SYTL5: variants seen among roughly 807,000 people sequenced by gnomAD.
SYTL5 encodes synaptotagmin-like protein 5.
In SYTL5, 34 loss-of-function variants were observed where a neutral mutation model predicts 55.9. That is an observed-to-expected ratio of 0.61 (90% confidence interval 0.46 to 0.81). The LOEUF is 0.81. SYTL5 is among the 30% of genes least tolerant of loss of function. SYTL5 has a pLI of 0.00. For missense variants in SYTL5, 637 were observed against 546.7 expected (o/e 1.17, Z -1.65); for synonymous variants, 221 against 188.7 (o/e 1.17, Z -1.40).
intron 1 of SYTL5, among the ~76,000 whole-genome samples, chrX:38,012,700 A>G (rs951711982): frequency 8.9e-6 from 1 of 112,027 alleles, no homozygotes; most frequent in Admixed American, 9.5e-5. Context: ...ATGTACAACA[A>G]TAGTCTTCTC....
At chrX:37,935,999 C>T in the SYTL5 span, among the ~76,000 whole-genome samples, 3 of 111,636 alleles carry the variant, frequency 2.7e-5, no homozygotes, top group Non-Finnish European at 3.8e-5. Context: ...GATTCAAAGT[C>T]ACAAATATGT....
chrX:37,979,006 A>T, the SYTL5 span, among the ~76,000 whole-genome samples: 1 of 111,867 alleles, frequency 8.9e-6, no homozygotes, highest in African/African-American at 3.2e-5. Context: ...ATGAACACAA[A>T]TTGTAAGTGA....
chrX:37,944,158 A>G, the SYTL5 span, among the ~76,000 whole-genome samples: 1 of 111,099 alleles, frequency 9.0e-6, no homozygotes, highest in African/African-American at 3.3e-5. Context: ...TTTCATGTTT[A>G]TTTATGGATT....
chrX:38,018,718 T>C (rs1185851343), intron 1 of SYTL5, among the ~76,000 whole-genome samples: 2 of 111,843 alleles, frequency 1.8e-5, no homozygotes, highest in Admixed American at 9.5e-5. Context: ...GGTATTCTTA[T>C]GCACACTAAA....
chrX:38,070,577 T>C (rs181726059), intron 3 of SYTL5, among the ~76,000 whole-genome samples: 25 of 111,716 alleles, frequency 2.2e-4, no homozygotes, highest in African/African-American at 8.1e-4. Context: ...ATCTGAACTT[T>C]AGAAAAACTG....
the SYTL5 span, among the ~76,000 whole-genome samples, chrX:37,944,211 A>G: frequency 2.7e-5 from 3 of 110,315 alleles, no homozygotes; most frequent in South Asian, 7.8e-4. Context: ...CTTCTTACTC[A>G]CCATCCTATG....
At chrX:38,076,825 G>A in intron 6 of SYTL5, 124 bp downstream of exon 6, 1 of 712,104 alleles carries the variant, frequency 1.4e-6, no homozygotes. Context: ...CACATAATGT[G>A]AAAATTCAGG....
chrX:38,110,367 C>T lies in SYTL5; in HGVS notation c.1481C>T (p.Ser494Leu), dbSNP rs369341747. Residue 494 changes from serine to leucine, a missense_variant, in exon 13 of 17, where the codon TCA becomes TTA. Ser to Leu is a moderately radical substitution (Grantham distance 145). Transcript: ENST00000297875. ...TQLETRTLQL[S>L]VWHYDRFGRN... ...CTGGAAACAAGAACTCTGCAGCTCT[C>T]AGTCTGGCACTATGATCGATTTGGA... 5.8e-6 allele frequency: 7 copies of T among 1,208,168 alleles called. No homozygotes were observed. The highest frequency in any genetic ancestry group is 7.8e-6 in the Non-Finnish European group (7 of 893,311).
chrX:38,055,025 T>G (rs1253454699), intron 3 of SYTL5, among the ~76,000 whole-genome samples: 1 of 111,732 alleles, frequency 8.9e-6, no homozygotes, highest in Non-Finnish European at 1.9e-5. Flanking sequence ...CCACTCTTTC[T>G]GTATTTCAAA....
At chrX:38,098,141 T>C (rs150578210) in intron 9 of SYTL5, among the ~76,000 whole-genome samples, 1,242 of 110,562 alleles carry the variant, frequency 0.011, 21 homozygotes, top group African/African-American at 0.039. Context: ...AAAGAATTCT[T>C]AAATATGGCA....
intron 1 of SYTL5, among the ~76,000 whole-genome samples, chrX:38,015,907 A>G (rs111319818): frequency 0.11 from 12,616 of 110,714 alleles, 703 homozygotes; most frequent in Non-Finnish European, 0.16. Context: ...TCTTCTCTAA[A>G]GTGATAAAAA....
intron 3 of SYTL5, among the ~76,000 whole-genome samples, chrX:38,067,931 G>T (rs1165546045): frequency 9.0e-6 from 1 of 111,474 alleles, no homozygotes; most frequent in Non-Finnish European, 1.9e-5. Context: ...AACAAAAATT[G>T]ACAAATGAGA....
At chrX:37,986,117 G>A in the SYTL5 span, among the ~76,000 whole-genome samples, 1 of 111,577 alleles carries the variant, frequency 9.0e-6, no homozygotes, top group Non-Finnish European at 1.9e-5. Context: ...ATTCTTATAT[G>A]TGAAAAAACA....
At chrX:38,046,251 A>G (rs1935456970) in intron 2 of SYTL5, among the ~76,000 whole-genome samples, 1 of 111,657 alleles carries the variant, frequency 9.0e-6, no homozygotes, top group Non-Finnish European at 1.9e-5. Flanking sequence ...ATGGTATGAC[A>G]TGTGTATTAG....
In SYTL5 at chrX:38,032,733, AT is replaced by A. The variant is rs1013239357; in HGVS notation, c.-356-791del. 4.6e-5 allele frequency among the ~76,000 whole-genome samples: 5 copies of A among 107,903 alleles called. No homozygotes were observed. In the East Asian group the frequency reaches 8.7e-4, roughly 19 times the overall value. 93.7% of individuals were successfully genotyped at this position (107,903 alleles called of 115,157 possible). ...TTTTCATGAATTCTTCCGTAACGTA[AT>A]TTTTTTTTTAAGAGACAGGGTCTCA... On this transcript the variant is annotated intron_variant, in intron 1 of 16. Transcript: ENST00000297875.
chrX:37,938,750 T>G, the SYTL5 span, among the ~76,000 whole-genome samples: 1 of 111,548 alleles, frequency 9.0e-6, no homozygotes, highest in South Asian at 3.8e-4. Flanking sequence ...AGCACAACCC[T>G]CACTTGAGCT....
chrX:37,966,524 G>A, the SYTL5 span, among the ~76,000 whole-genome samples: 11 of 93,922 alleles, frequency 1.2e-4, no homozygotes, highest in Non-Finnish European at 1.8e-4. Flanking sequence ...TGCAACCTCC[G>A]CCTCCCAGGA....
At chrX:37,934,030 G>C in the SYTL5 span, among the ~76,000 whole-genome samples, 80 of 111,625 alleles carry the variant, frequency 7.2e-4, no homozygotes, top group African/African-American at 2.4e-3. Flanking sequence ...CACATGACAA[G>C]AAATACAGAT....
At chrX:37,889,156 G>A in the SYTL5 span, among the ~76,000 whole-genome samples, 1 of 112,016 alleles carries the variant, frequency 8.9e-6, no homozygotes, top group Non-Finnish European at 1.9e-5. Context: ...CCAATGAAGA[G>A]CGGTAAGCAG....
Sources: allele counts gnomAD v4.1 joint callset (sites outside exome capture counted in the v4.1 genomes callset), GRCh38; gene constraint gnomAD v4.1.1; transcripts MANE v1.5; gene names NCBI Gene and HGNC (gene_info 2026-07-23, HGNC 2026-07-21).